The following GPR149 variants were observed in gnomAD, a reference collection of about 807,000 sequenced individuals.
The protein encoded by GPR149 is probable G protein-coupled receptor 149.
In GPR149, 50 loss-of-function variants were observed where a neutral mutation model predicts 50.2. The observed-to-expected ratio is 1.00, with a 90% confidence interval of 0.79 to 1.26. GPR149 has a LOEUF of 1.26. GPR149 is among the 50% of genes most tolerant of loss of function. The pLI, the probability that GPR149 is intolerant of heterozygous loss-of-function variation, is 0.00. For synonymous variants in GPR149, 405 were observed against 358.2 expected, an observed-to-expected ratio of 1.13 and a Z score of -1.48; for missense variants, 983 against 895.4, an observed-to-expected ratio of 1.10 and a Z score of -1.25.
rs112879650 is a variant in GPR149, at chr3:154,430,141, G to C, written c.-526C>G. ...GAAGGTGGAGAGAGAGAGAGAGACA[G>C]AGAGAGAGAGAGAGAGGGCGAGCGC... On this transcript the variant is annotated 5_prime_UTR_variant, in exon 1 of 4. Transcript: ENST00000389740. Among the ~76,000 whole-genome samples, 3,791 of 94,624 alleles carry C rather than the reference G, an allele frequency of 0.04. 133 individuals are homozygous for C. Among genetic ancestry groups the C allele is most frequent in the African/African-American group, 0.17 (3,626 of 21,720 alleles). The allele number at this position is 94,624 out of a possible 152,430, so 62.1% of individuals were successfully genotyped here.
At position 154,380,386 on chromosome 3, in the gene GPR149, T is replaced by C. The variant is rs193042729; in HGVS notation, c.1623+40653A>G. On this transcript the variant is annotated intron_variant, in intron 3 of 3. Coordinates refer to ENST00000389740, the MANE Select transcript of GPR149 (RefSeq NM_001038705.3). ...AAGGTTTCTCTACTATTTGAATTGATGTCCATCTCTCCTAATCCCCACTGT... is the reference window on the plus strand; with the variant it reads ...AAGGTTTCTCTACTATTTGAATTGACGTCCATCTCTCCTAATCCCCACTGT... Among the ~76,000 whole-genome samples the C allele has an allele frequency of 3.3e-4, 51 of 152,296 alleles. No homozygotes were observed. In the East Asian group the frequency reaches 9.7e-3, roughly 29 times the overall value.
At chr3:154,374,705 A>G (rs1237219974) in intron 3 of GPR149, among the ~76,000 whole-genome samples, 13 of 152,212 alleles carry the variant, frequency 8.5e-5, no homozygotes, top group Admixed American at 7.9e-4. Context: ...ATATATTAGA[A>G]GAAATCATGG....
chr3:154,404,248 A>G (rs1322453462), intron 3 of GPR149, among the ~76,000 whole-genome samples: 3 of 152,108 alleles, frequency 2.0e-5, no homozygotes, highest in African/African-American at 7.2e-5. Flanking sequence ...GTGGTCACTC[A>G]CTGTTATTTT....
Position 154,359,740 on chromosome 3 carries a change from C to T in GPR149, c.1624-21469G>A, listed in dbSNP as rs139608416. Among the ~76,000 whole-genome samples the T allele has an allele frequency of 7.2e-3, 1,095 of 152,276 alleles. 6 individuals carry two copies. Among genetic ancestry groups the T allele is most frequent in the Non-Finnish European group, 9.7e-3 (663 of 68,020 alleles). On this transcript the variant is annotated intron_variant, in intron 3 of 3. Coordinates refer to ENST00000389740, the MANE Select transcript of GPR149 (RefSeq NM_001038705.3). ...CTCCAGCTTTCTCCACAATTCTAAA[C>T]GAAGTATCTTATCCCATAACACCCA...
intron 3 of GPR149, among the ~76,000 whole-genome samples, chr3:154,419,424 T>G (rs1712077978): frequency 1.3e-5 from 2 of 151,950 alleles, no homozygotes; most frequent in Admixed American, 6.6e-5. Context: ...GATAATAATT[T>G]CCATGGTTTT....
rs541737143 is a variant in GPR149, at chr3:154,398,946, A to G, written c.1623+22093T>C. On this transcript the variant is annotated intron_variant, in intron 3 of 3. Transcript: ENST00000389740. ...AGAGCTGAATGTAACTCCAATAAAC[A>G]TAAGAGAAGGACTCTAATTAAAATT... Among the ~76,000 whole-genome samples the G allele has an allele frequency of 3.5e-4, 53 of 152,324 alleles. 1 individual carries two copies. In the South Asian group the frequency reaches 8.7e-3, roughly 25 times the overall value.
chr3:154,427,807 CTT>C, intron 1 of GPR149, 99 bp from the exon 2 acceptor site: 4 of 1,136,252 alleles, frequency 3.5e-6, no homozygotes, highest in Non-Finnish European at 4.9e-6. Flanking sequence ...TTTCCAGTTC[CTT>C]CTCCTGATGG....
chr3:154,391,649 C>T (rs1479229215), intron 3 of GPR149, among the ~76,000 whole-genome samples: 1 of 151,504 alleles, frequency 6.6e-6, no homozygotes, highest in Non-Finnish European at 1.5e-5. Flanking sequence ...AATCAAAAGA[C>T]ATAATGTAGC....
chr3:154,369,219 G>A (rs1037631112), intron 3 of GPR149, among the ~76,000 whole-genome samples: 1 of 152,038 alleles, frequency 6.6e-6, no homozygotes, highest in Non-Finnish European at 1.5e-5. Flanking sequence ...GGACAAATTC[G>A]ACCCTGAAAC....
chr3:154,424,178 A>C (rs1207285828), intron 2 of GPR149, among the ~76,000 whole-genome samples: 2 of 151,938 alleles, frequency 1.3e-5, no homozygotes, highest in Admixed American at 1.3e-4. Flanking sequence ...AGTTTTAAGT[A>C]ACAATAAAAA....
intron 3 of GPR149, among the ~76,000 whole-genome samples, chr3:154,383,823 G>T (rs1714985700): frequency 6.6e-6 from 1 of 151,954 alleles, no homozygotes; most frequent in Non-Finnish European, 1.5e-5. Flanking sequence ...TCATGAGTAG[G>T]ATTAGTGCCC....
At chr3:154,349,546 A>G (rs1714018334) in intron 3 of GPR149, among the ~76,000 whole-genome samples, 1 of 152,214 alleles carries the variant, frequency 6.6e-6, no homozygotes, top group Admixed American at 6.5e-5. Context: ...CCAAATGCGA[A>G]ATAGGTAATT....
chr3:154,384,961 T>C (rs1715014363), intron 3 of GPR149, among the ~76,000 whole-genome samples: 2 of 152,246 alleles, frequency 1.3e-5, no homozygotes, highest in Non-Finnish European at 2.9e-5. Flanking sequence ...AATTCTCCTA[T>C]GGACTTTCTC....
intron 3 of GPR149, among the ~76,000 whole-genome samples, chr3:154,351,895 T>C (rs1339510620): frequency 2.0e-5 from 3 of 152,178 alleles, no homozygotes; most frequent in Non-Finnish European, 1.5e-5. Context: ...TCTTTAATTA[T>C]CTAATATTCT....
At chr3:154,360,728 A>C (rs1714358477) in intron 3 of GPR149, among the ~76,000 whole-genome samples, 1 of 152,180 alleles carries the variant, frequency 6.6e-6, no homozygotes, top group African/African-American at 2.4e-5. Flanking sequence ...CCAAACATCC[A>C]TTCATTATTC....
At chr3:154,408,595 T>C (rs1278889581) in intron 3 of GPR149, among the ~76,000 whole-genome samples, 1 of 152,154 alleles carries the variant, frequency 6.6e-6, no homozygotes, top group Non-Finnish European at 1.5e-5. Context: ...TGACTCAGCA[T>C]AGGTAGCCAT....
rs556852650 is a variant in GPR149 at position 154,380,840 on chromosome 3, G to C, written c.1623+40199C>G. ...AATGTCAGATATGGGGTTTTAAAAG[G>C]AGGAACATTAAAGCCAATGACCAGG... On this transcript the variant is annotated intron_variant, in intron 3 of 3. Transcript: ENST00000389740. Among the ~76,000 whole-genome samples the C allele has an allele frequency of 1.2e-4, 19 of 152,260 alleles. No homozygotes were observed. The East Asian group carries it at 3.7e-3, about 29-fold the overall frequency.
At chr3:154,381,495 T>G (rs1281745311) in intron 3 of GPR149, among the ~76,000 whole-genome samples, 5 of 152,220 alleles carry the variant, frequency 3.3e-5, no homozygotes, top group Non-Finnish European at 7.3e-5. Flanking sequence ...TTTACTATTT[T>G]AATGGCTGTA....
chr3:154,358,064 C>G (rs969829486), intron 3 of GPR149, among the ~76,000 whole-genome samples: 8 of 151,610 alleles, frequency 5.3e-5, no homozygotes, highest in African/African-American at 1.9e-4. Flanking sequence ...ACTGCATGTT[C>G]TCACTCATAG....
Sources: gnomAD v4.1 joint callset for allele counts (sites outside exome capture counted in the v4.1 genomes callset) on GRCh38, gnomAD v4.1.1 for gene constraint, MANE v1.5 for transcripts, NCBI Gene and HGNC (gene_info 2026-07-23, HGNC 2026-07-21) for gene names.